The following PRKN variants were observed in gnomAD, a reference collection of about 807,000 sequenced individuals.
PRKN encodes the protein parkin RBR E3 ubiquitin protein ligase, also known as E3 ubiquitin-protein ligase parkin.
A neutral mutation model predicts 59.5 loss-of-function variants in PRKN; 56 were observed. The ratio of observed to expected loss-of-function variants is 0.94; its 90% CI spans 0.76 to 1.18. The LOEUF is 1.18. Among genes scored for constraint, PRKN ranks in the 50% most tolerant of loss-of-function variants. The pLI, the probability that PRKN is intolerant of heterozygous loss-of-function variation, is 0.00. For missense variants in PRKN, 657 were observed against 596.4 expected (o/e 1.10, Z -1.06); for synonymous variants, 250 against 222.1 (o/e 1.13, Z -1.12).
chr6:162,379,725 T>A (rs772856326), intron 2 of PRKN, among the ~76,000 whole-genome samples: 2 of 152,164 alleles, frequency 1.3e-5, no homozygotes, highest in Non-Finnish European at 2.9e-5. Context: ...CGTCACATAT[T>A]ATCCTCCATT....
chr6:162,298,664 G>C (rs1781800063), intron 2 of PRKN, among the ~76,000 whole-genome samples: 1 of 121,080 alleles, frequency 8.3e-6, no homozygotes, highest in South Asian at 2.9e-4. Flanking sequence ...AGGCACCAGA[G>C]GACATATTTA....
chr6:162,709,164 G>C (rs541338449), intron 1 of PRKN, among the ~76,000 whole-genome samples: 2 of 152,048 alleles, frequency 1.3e-5, no homozygotes, highest in East Asian at 3.9e-4. Flanking sequence ...ACACTATGGC[G>C]AATTGTTATT....
At chr6:162,248,544 T>C (rs1488575924) in intron 3 of PRKN, among the ~76,000 whole-genome samples, 3 of 152,096 alleles carry the variant, frequency 2.0e-5, no homozygotes, top group African/African-American at 7.2e-5. Flanking sequence ...TGCCAGATAC[T>C]CTGAACTACT....
intron 7 of PRKN, among the ~76,000 whole-genome samples, chr6:161,649,969 G>A (rs1784090366): frequency 6.6e-6 from 1 of 152,196 alleles, no homozygotes; most frequent in Admixed American, 6.5e-5. Context: ...TTGTGAGGAA[G>A]CCCAAGCCAC....
chr6:161,950,224 T>C (rs1292605907), intron 6 of PRKN, among the ~76,000 whole-genome samples: 1 of 152,192 alleles, frequency 6.6e-6, no homozygotes, highest in Non-Finnish European at 1.5e-5. Flanking sequence ...ACAGAAAACA[T>C]GAATGGACCC....
chr6:162,383,149 T>C (rs767684021), intron 2 of PRKN, among the ~76,000 whole-genome samples: 2 of 152,218 alleles, frequency 1.3e-5, no homozygotes, highest in Non-Finnish European at 2.9e-5. Context: ...GTTAATATTT[T>C]GACCTCTTCC....
intron 6 of PRKN, among the ~76,000 whole-genome samples, chr6:161,859,462 G>C (rs1793799082): frequency 1.3e-5 from 2 of 151,666 alleles, no homozygotes; most frequent in Non-Finnish European, 2.9e-5. Flanking sequence ...AATAAGCTGG[G>C]CATGGTGGCG....
At chr6:162,051,190 T>C (rs1777624571) in intron 5 of PRKN, among the ~76,000 whole-genome samples, 1 of 152,092 alleles carries the variant, frequency 6.6e-6, no homozygotes, top group South Asian at 2.1e-4. Context: ...AAGTCCACAC[T>C]GCAGAAGGGA....
intron 3 of PRKN, among the ~76,000 whole-genome samples, chr6:162,240,708 G>A (rs1008205114): frequency 7.2e-5 from 11 of 152,170 alleles, no homozygotes; most frequent in African/African-American, 2.7e-4. Context: ...GTATAATTGC[G>A]TCCAAATCCC....
At chr6:161,931,923 T>C (rs1340747244) in intron 6 of PRKN, among the ~76,000 whole-genome samples, 2 of 152,158 alleles carry the variant, frequency 1.3e-5, no homozygotes, top group East Asian at 1.9e-4. Context: ...TAGGAGATTG[T>C]AGAGGAGAAG....
rs763152881 is a variant in PRKN, at chr6:161,885,621, C to T, written c.734+87681G>A. 7.6e-4 allele frequency among the ~76,000 whole-genome samples: 113 copies of T among 148,412 alleles called. 1 individual carries two copies. The highest frequency in any genetic ancestry group is 3.6e-3 in the Middle Eastern group (1 of 276). On this transcript the variant is annotated intron_variant, in intron 6 of 11. Coordinates refer to ENST00000366898, the MANE Select transcript of PRKN (RefSeq NM_004562.3). ...CGGAGCTTGCAGTGGGCCAAGATTG[C>T]ACCACTGCACTCCAGCCTGGGTGAC...
intron 6 of PRKN, among the ~76,000 whole-genome samples, chr6:161,908,261 T>C (rs1279759749): frequency 2.0e-5 from 3 of 152,194 alleles, no homozygotes; most frequent in African/African-American, 7.2e-5. Context: ...TTCCGGTACA[T>C]GGACGATACC....
At chr6:162,089,199 AAGG>A (rs1338994622) in intron 4 of PRKN, among the ~76,000 whole-genome samples, 1 of 152,058 alleles carries the variant, frequency 6.6e-6, no homozygotes, top group South Asian at 2.1e-4. Context: ...ACAACTTAAC[AAGG>A]AGAAGACAAA....
At chr6:161,730,634 T>C (rs1787659784) in intron 7 of PRKN, among the ~76,000 whole-genome samples, 1 of 152,062 alleles carries the variant, frequency 6.6e-6, no homozygotes, top group African/African-American at 2.4e-5. Context: ...TGTTGCATTC[T>C]TTCTGATGTG....
At chr6:162,654,771 C>A (rs909604463) in intron 1 of PRKN, among the ~76,000 whole-genome samples, 1 of 151,998 alleles carries the variant, frequency 6.6e-6, no homozygotes, top group African/African-American at 2.4e-5. Context: ...AGGAAACTTA[C>A]AATCATGGCG....
At chr6:162,525,241 C>T (rs1186876898) in intron 1 of PRKN, among the ~76,000 whole-genome samples, 7 of 152,060 alleles carry the variant, frequency 4.6e-5, no homozygotes, top group Admixed American at 2.0e-4. Flanking sequence ...TGTATTTGTT[C>T]TCTCTGTAAA....
chr6:162,576,609 C>T (rs529677846), intron 1 of PRKN, among the ~76,000 whole-genome samples: 9 of 152,130 alleles, frequency 5.9e-5, no homozygotes, highest in Admixed American at 3.3e-4. Flanking sequence ...GTCAGGAGTT[C>T]GAGACCAGCC....
At position 162,079,951 on chromosome 6, in the gene PRKN, T is replaced by C. The variant is rs189937387; in HGVS notation, c.535-25777A>G. Among the ~76,000 whole-genome samples the C allele has an allele frequency of 3.6e-3, 547 of 152,266 alleles. 6 individuals are homozygous for C. The highest frequency in any genetic ancestry group is 0.012 in the African/African-American group (515 of 41,510). Reference sequence around the variant, plus strand: ...AATATTCCTCACCTGCTCTGTGCTATTGCCTACTACAAGCACATATATCTT... The same window carrying C: ...AATATTCCTCACCTGCTCTGTGCTACTGCCTACTACAAGCACATATATCTT... On this transcript the variant is annotated intron_variant, in intron 4 of 11. Transcript: ENST00000366898.
At position 161,548,168 on chromosome 6, in the gene PRKN, T is replaced by C. The variant is rs1779861489; in HGVS notation, c.1083+686A>G. Among the ~76,000 whole-genome samples, 1 of 152,244 alleles carries C rather than the reference T, an allele frequency of 6.6e-6. No homozygotes were observed. The highest frequency in any genetic ancestry group is 6.5e-5 in the Admixed American group (1 of 15,288). On this transcript the variant is annotated intron_variant, in intron 9 of 11. Coordinates refer to ENST00000366898, the MANE Select transcript of PRKN (RefSeq NM_004562.3). This position sits in a 1 kb window ranked among gnomAD's most constrained non-coding sequence, Gnocchi z 4.2. ...GCATGAAATTTAATATCAGGATTAT[T>C]ATCCATTTGTCATTTTAACCTATAA...
Sources: gnomAD v4.1 joint callset for allele counts (sites outside exome capture counted in the v4.1 genomes callset) on GRCh38, gnomAD v4.1.1 for gene constraint, Gnocchi (gnomAD v3.1) non-coding constraint, MANE v1.5 for transcripts, NCBI Gene and HGNC (gene_info 2026-07-23, HGNC 2026-07-21) for gene names.